CALD1: variants seen among roughly 807,000 people sequenced by gnomAD.
The protein encoded by CALD1 is caldesmon.
Under a neutral mutation model 99.9 loss-of-function variants are expected in CALD1, and 33 were observed. That is an observed-to-expected ratio of 0.33 (90% CI 0.25 to 0.44). The LOEUF is 0.44. Ranked by LOEUF, CALD1 falls within the 20% of genes least tolerant of loss-of-function variation. The probability of loss-of-function intolerance (pLI) is 1.00; values close to 1 mark genes in which losing one functional copy is unlikely to be tolerated. For missense variants in CALD1, 861 were observed against 962.1 expected, an observed-to-expected ratio of 0.89 and a Z score of 1.39; for synonymous variants, 310 against 325.0, an observed-to-expected ratio of 0.95 and a Z score of 0.50.
intron 3 of CALD1, among the ~76,000 whole-genome samples, chr7:134,905,364 C>A (rs2132644765): frequency 6.6e-6 from 1 of 152,160 alleles, no homozygotes; most frequent in Non-Finnish European, 1.5e-5. Context: ...TCCACTATGA[C>A]TTCCGTGGTT....
At chr7:134,791,882 A>C (rs1160111418) in intron 1 of CALD1, among the ~76,000 whole-genome samples, 1 of 152,174 alleles carries the variant, frequency 6.6e-6, no homozygotes, top group African/African-American at 2.4e-5. Context: ...CACAAATTAC[A>C]TGGTGACAGG....
chr7:134,723,409 A>T, the CALD1 span, among the ~76,000 whole-genome samples: 83 of 152,230 alleles, frequency 5.5e-4, no homozygotes, highest in African/African-American at 1.9e-3. Flanking sequence ...GAAATAAGGT[A>T]GTGCTCAATA....
chr7:134,744,374 T>C (rs1351435375), intron 1 of CALD1: 1 of 152,074 alleles, frequency 6.6e-6, no homozygotes, highest in Non-Finnish European at 1.5e-5. Flanking sequence ...GTTGGTTATT[T>C]AATGAAGAAA....
chr7:134,944,402 T>G (rs192894720), intron 7 of CALD1: 32 of 151,948 alleles, frequency 2.1e-4, no homozygotes, highest in Admixed American at 5.9e-4. Flanking sequence ...TTTTCTGTTT[T>G]TTTTTTTTTT....
At chr7:134,932,528 T>C (rs1030120250) in intron 4 of CALD1, among the ~76,000 whole-genome samples, 3 of 152,082 alleles carry the variant, frequency 2.0e-5, no homozygotes, top group African/African-American at 7.2e-5. Context: ...GAAACACTGG[T>C]GGAGGTGTGG....
At chr7:134,906,049 C>A (rs1327802305) in intron 3 of CALD1, among the ~76,000 whole-genome samples, 5 of 151,138 alleles carry the variant, frequency 3.3e-5, no homozygotes, top group African/African-American at 1.2e-4. Context: ...CCTGCCTCAA[C>A]CTCCCAAGTA....
At position 134,774,165 on chromosome 7, in the gene CALD1, A is replaced by G. The variant is rs148165124; in HGVS notation, c.-130+29802A>G. Among the ~76,000 whole-genome samples, 726 of 125,682 alleles carry G rather than the reference A, an allele frequency of 5.8e-3. 5 individuals carry two copies. The highest frequency in any genetic ancestry group is 0.018 in the African/African-American group (686 of 37,552). The allele number at this position is 125,682 out of a possible 152,430, so 82.5% of individuals were successfully genotyped here. ...AGCCTGGGTGACAGAGTGAGATTCC[A>G]TCTCAAAAAAAAAAAAAGAGTGAGG... On this transcript the variant is annotated intron_variant, in intron 1 of 13. Transcript: ENST00000417172.
intron 1 of CALD1, among the ~76,000 whole-genome samples, chr7:134,765,591 C>T (rs1002715103): frequency 1.3e-5 from 2 of 152,176 alleles, no homozygotes; most frequent in Non-Finnish European, 2.9e-5. Flanking sequence ...GTGTCTCATA[C>T]AGTTATCAAT....
chr7:134,938,470 T>A (rs1405189661), intron 6 of CALD1, among the ~76,000 whole-genome samples: 1 of 152,064 alleles, frequency 6.6e-6, no homozygotes, highest in Non-Finnish European at 1.5e-5. Flanking sequence ...TTTTTATGAG[T>A]ATGCTAATGT....
intron 5 of CALD1, among the ~76,000 whole-genome samples, chr7:134,934,495 ACCT>A (rs1805801289): frequency 6.6e-6 from 1 of 152,084 alleles, no homozygotes; most frequent in Non-Finnish European, 1.5e-5. Context: ...ATAACTCCTT[ACCT>A]CACTCATGGG....
At position 134,832,622 on chromosome 7, in the gene CALD1, G is replaced by A. The variant is rs184773211; in HGVS notation, c.-129-11262G>A. Among the ~76,000 whole-genome samples, 634 of 152,242 alleles carry A rather than the reference G, an allele frequency of 4.2e-3. 2 individuals carry two copies. Among genetic ancestry groups the A allele is most frequent in the Non-Finnish European group, 6.9e-3 (469 of 68,016 alleles). ...TCAAACAGCCTAAGAACATAATAAGGGCAGTTTTGATTTTCATATCTGAGT... is the reference window on the plus strand; with the variant it reads ...TCAAACAGCCTAAGAACATAATAAGAGCAGTTTTGATTTTCATATCTGAGT... On this transcript the variant is annotated intron_variant, in intron 1 of 14. Transcript: ENST00000361675.
chr7:134,755,197 C>T (rs1335137273), intron 1 of CALD1, among the ~76,000 whole-genome samples: 4 of 152,046 alleles, frequency 2.6e-5, no homozygotes, highest in Non-Finnish European at 5.9e-5. Context: ...GACAGGGTTT[C>T]ACCATGTTGG....
intron 1 of CALD1, among the ~76,000 whole-genome samples, chr7:134,812,262 A>T (rs1220227166): frequency 2.0e-5 from 3 of 151,826 alleles, no homozygotes; most frequent in Non-Finnish European, 2.9e-5. Context: ...TCTTATGATA[A>T]TCTCTTTAGC....
chr7:134,841,824 T>G (rs950106347), intron 1 of CALD1, among the ~76,000 whole-genome samples: 16 of 142,114 alleles, frequency 1.1e-4, no homozygotes, highest in Non-Finnish European at 1.2e-4. Context: ...ATGGACTGAG[T>G]AACTTGGAAG....
the CALD1 span, among the ~76,000 whole-genome samples, chr7:134,724,370 G>A: frequency 6.6e-6 from 1 of 152,178 alleles, no homozygotes; most frequent in Non-Finnish European, 1.5e-5. Flanking sequence ...AATATTCAGG[G>A]GAAGCTGAGA....
intron 1 of CALD1, among the ~76,000 whole-genome samples, chr7:134,762,784 C>A (rs1363196041): frequency 6.6e-6 from 1 of 152,160 alleles, no homozygotes; most frequent in Non-Finnish European, 1.5e-5. Flanking sequence ...CCAATCACCT[C>A]CCACCAGGCC....
chr7:134,775,044 T>G (rs1171680509), upstream of CALD1, among the ~76,000 whole-genome samples: 2 of 152,126 alleles, frequency 1.3e-5, no homozygotes, highest in Non-Finnish European at 2.9e-5. Context: ...AAATTCACCT[T>G]CAATTTTTTT....
At chr7:134,763,508 C>A (rs1457455928) in intron 1 of CALD1, among the ~76,000 whole-genome samples, 1 of 152,112 alleles carries the variant, frequency 6.6e-6, no homozygotes, top group Non-Finnish European at 1.5e-5. Context: ...GACTGGCCAG[C>A]CTCTTGGGTT....
chr7:134,914,269 A>C (rs995263183), intron 3 of CALD1, among the ~76,000 whole-genome samples: 1 of 152,166 alleles, frequency 6.6e-6, no homozygotes, highest in Non-Finnish European at 1.5e-5. Context: ...GAAAAATGTA[A>C]AGTCACAGCT....
Sources: gnomAD v4.1 joint callset for allele counts (sites outside exome capture counted in the v4.1 genomes callset) on GRCh38, gnomAD v4.1.1 for gene constraint, MANE v1.5 for transcripts, NCBI Gene and HGNC (gene_info 2026-07-23, HGNC 2026-07-21) for gene names.